Variants in AKAP13 observed in about 807,000 individuals in gnomAD.
AKAP13 encodes the protein A-kinase anchor protein 13.
In AKAP13, 80 loss-of-function variants were observed where a neutral mutation model predicts 264.5. That is an observed-to-expected ratio of 0.30 (90% confidence interval 0.25 to 0.36). AKAP13 has a LOEUF of 0.36. Among genes scored for constraint, AKAP13 ranks in the 10% least tolerant of loss-of-function variants. AKAP13 has a pLI of 1.00. For synonymous variants in AKAP13, 1,380 were observed against 1,250.2 expected (o/e 1.10, Z -2.19); for missense variants, 3,712 against 3,435.2 (o/e 1.08, Z -2.01).
rs150237862 is a variant in AKAP13, at chr15:85,744,635, C to G, written c.8400C>G (p.Pro2800=). 6.2e-7 allele frequency: 1 copy of G among 1,613,608 alleles called. No homozygotes were observed. Among genetic ancestry groups the G allele is most frequent in the African/African-American group, 1.3e-5 (1 of 74,868 alleles). ...TGGTTTTCACATTTCCAGATGGTCCCGCGTCAGAAGTATCAGCAGAGGGTG... is the reference window on the plus strand; with the variant it reads ...TGGTTTTCACATTTCCAGATGGTCCGGCGTCAGAAGTATCAGCAGAGGGTG... ...KTSRSQPGDG[P]ASEVSAEGEE... is the part of the protein sequence containing the mutation. The change falls in exon 37 of 37, where the codon CCC becomes CCG. Residue 2800 remains proline (P), a synonymous_variant. Transcript: ENST00000394518.
At chr15:85,437,001 A>G (rs1266995362) in intron 1 of AKAP13, among the ~76,000 whole-genome samples, 1 of 149,486 alleles carries the variant, frequency 6.7e-6, no homozygotes, top group Non-Finnish European at 1.5e-5. Flanking sequence ...GAGACACAAA[A>G]AACCCTTCAA....
Position 85,743,647 on chromosome 15 carries a change from C to A in AKAP13, c.8214C>A (p.His2738Gln). Residue 2738 changes from histidine (H) to glutamine (Q), a missense_variant, in exon 36 of 37, where the codon CAC (histidine) becomes CAA (glutamine). Physicochemically the swap from His to Gln is conservative, Grantham distance 24. This residue lies in a region of AKAP13 where 611 missense variants were observed against 539.3 expected (regional missense o/e 1.13). Transcript: ENST00000394518. ...AAAGGAACAGCATCTCTCGGACACA[C>A]AAAGATAAGGGGCCTTTTCACATAC... ...SPKRNSISRTHKDKGPFHILS... is the reference protein window; with the variant it reads ...SPKRNSISRTQKDKGPFHILS... The A allele has an allele frequency of 1.2e-6, 2 of 1,614,130 alleles. No homozygotes were observed. Among genetic ancestry groups the A allele is most frequent in the Non-Finnish European group, 1.7e-6 (2 of 1,180,040 alleles).
chr15:85,563,343 T>TTTTTTTTG (rs2078480304), intron 5 of AKAP13, among the ~76,000 whole-genome samples: 1 of 138,186 alleles, frequency 7.2e-6, no homozygotes, highest in African/African-American at 2.9e-5. Context: ...TTTTTTTTTT[T>TTTTTTTTG]TTTTTTTTTT....
At chr15:85,607,555 T>C (rs1035372394) in intron 8 of AKAP13, among the ~76,000 whole-genome samples, 1 of 152,186 alleles carries the variant, frequency 6.6e-6, no homozygotes, top group East Asian at 1.9e-4. Context: ...TAAGGCAGCC[T>C]AGCTCCAGAG....
intron 31 of AKAP13, 44 bp from the exon 32 acceptor site, chr15:85,735,516 G>A: frequency 1.9e-6 from 3 of 1,563,034 alleles, no homozygotes; most frequent in Non-Finnish European, 2.6e-6. Context: ...TGGCTAATCT[G>A]TTTCACAACT....
rs1419208567 is a variant in AKAP13, at chr15:85,684,887, T to A, written c.5289+14T>A. On this transcript the variant is annotated intron_variant, in intron 16 of 36. Coordinates refer to ENST00000394518, the MANE Select transcript of AKAP13 (RefSeq NM_007200.5). ...AAGAAGAGCAAAGTGAGTATCACTG[T>A]GGGCATTGCTTGTGATCACCTCAGT... 46 of 1,612,734 alleles carry A rather than the reference T, an allele frequency of 2.9e-5. No individual in the cohort carries two copies. The highest frequency in any genetic ancestry group is 3.8e-5 in the Non-Finnish European group (45 of 1,179,486).
chr15:85,627,227 CCAT>C (rs1222919418), intron 8 of AKAP13, among the ~76,000 whole-genome samples: 5 of 152,152 alleles, frequency 3.3e-5, no homozygotes, highest in Admixed American at 2.0e-4. Context: ...CCTTGTGTAA[CCAT>C]TTGCAGGACA....
intron 14 of AKAP13, among the ~76,000 whole-genome samples, chr15:85,680,001 G>C (rs1156537953): frequency 6.6e-6 from 1 of 152,162 alleles, no homozygotes; most frequent in African/African-American, 2.4e-5. Context: ...CAGTGGAAAA[G>C]TTGAAAATAT....
intron 17 of AKAP13, among the ~76,000 whole-genome samples, chr15:85,704,764 G>T (rs62022938): frequency 0.16 from 24,730 of 152,246 alleles, 2,367 homozygotes; most frequent in Non-Finnish European, 0.22. Flanking sequence ...ATGGTTTGTG[G>T]CAGAGAGCTT....
In AKAP13 at chr15:85,575,182, G is replaced by A. The variant is rs374214307; in HGVS notation, c.714G>A (p.Pro238=). The A allele has an allele frequency of 4.3e-5, 70 of 1,613,938 alleles. No homozygotes were observed. The highest frequency in any genetic ancestry group is 3.3e-4 in the East Asian group (15 of 44,890). ...DSWSSLSYEI[P]YGDCSVRHHR... is the part of the protein sequence containing the mutation. ...GGAGCAGTTTATCCTATGAAATACC[G>A]TATGGAGACTGTTCTGTGAGGCATC... Residue 238 remains proline (P), a synonymous_variant, in exon 6 of 37, where the codon CCG becomes CCA. Transcript: ENST00000394518.
chr15:85,656,604 G>A (rs1328384399), intron 11 of AKAP13, among the ~76,000 whole-genome samples: 5 of 152,024 alleles, frequency 3.3e-5, no homozygotes, highest in East Asian at 3.9e-4. Context: ...CCGCCACCAC[G>A]CCTGGCTAAT....
At chr15:85,725,659 C>G (rs756692429) in intron 26 of AKAP13, among the ~76,000 whole-genome samples, 16 of 152,148 alleles carry the variant, frequency 1.1e-4, no homozygotes, top group South Asian at 4.1e-4. Context: ...GTGGACTTCA[C>G]TTTCCACAGT....
At chr15:85,391,042 G>A (rs1442645109) in intron 1 of AKAP13, among the ~76,000 whole-genome samples, 1 of 152,176 alleles carries the variant, frequency 6.6e-6, no homozygotes, top group African/African-American at 2.4e-5. Context: ...GGAGGTTTTA[G>A]TGGGAATTAG....
intron 14 of AKAP13, among the ~76,000 whole-genome samples, chr15:85,677,759 CGGGTAGCCTCCT>C (rs749737898): frequency 4.1e-4 from 62 of 151,812 alleles, no homozygotes; most frequent in Admixed American, 9.2e-4. Context: ...CTCAGCCTCC[CGGGTAGCCTCCT>C]GGGTAGCTGG....
chr15:85,402,274 T>A (rs1433993908), intron 1 of AKAP13, among the ~76,000 whole-genome samples: 1 of 152,230 alleles, frequency 6.6e-6, no homozygotes, highest in Non-Finnish European at 1.5e-5. Flanking sequence ...TTTTTGTGTT[T>A]CCTGTAATGT....
chr15:85,553,378 G>A (rs919741455), intron 5 of AKAP13, among the ~76,000 whole-genome samples: 9 of 152,118 alleles, frequency 5.9e-5, no homozygotes, highest in East Asian at 3.9e-4. Context: ...ATGAGCCACC[G>A]TGCCTGGCCT....
intron 1 of AKAP13, among the ~76,000 whole-genome samples, chr15:85,408,053 A>G (rs778870341): frequency 8.6e-5 from 13 of 151,650 alleles, no homozygotes; most frequent in Non-Finnish European, 1.2e-4. Flanking sequence ...AATAACTGGG[A>G]ATTTCTAGCA....
chr15:85,701,239 A>G (rs979637588), intron 17 of AKAP13: 14 of 152,052 alleles, frequency 9.2e-5, no homozygotes, highest in Admixed American at 7.2e-4. Context: ...ACGTTATTTC[A>G]TGAAGTCCAG....
At position 85,575,286 on chromosome 15, in the gene AKAP13, C is replaced by G. The variant is rs139228938; in HGVS notation, c.818C>G (p.Thr273Ser). Residue 273 changes from threonine (T) to serine (S), a missense_variant, in exon 6 of 37, where the codon ACT (threonine) becomes AGT (serine). By Grantham distance (58) the Thr-to-Ser change is moderately conservative. This residue lies in a region of AKAP13 where 2,759 missense variants were observed against 2,411.7 expected (regional missense o/e 1.14). Coordinates refer to ENST00000394518, the MANE Select transcript of AKAP13 (RefSeq NM_007200.5). ...HEHPFPGDGC[T>S]GPIFKLMNIQ... Reference sequence around the variant, plus strand: ...CACCCATTTCCTGGAGACGGTTGCACTGGACCAATTTTTAAACTTATGAAC... The same window carrying G: ...CACCCATTTCCTGGAGACGGTTGCAGTGGACCAATTTTTAAACTTATGAAC... 119 of 1,614,048 alleles carry G rather than the reference C, an allele frequency of 7.4e-5. No individual in the cohort carries two copies. Among genetic ancestry groups the G allele is most frequent in the Non-Finnish European group, 9.1e-5 (107 of 1,180,042 alleles).
Sources: gnomAD v4.1 joint callset for allele counts (sites outside exome capture counted in the v4.1 genomes callset) on GRCh38, gnomAD v4.1.1 for gene constraint, gnomAD v4.1.1 regional missense constraint, MANE v1.5 for transcripts, NCBI Gene and HGNC (gene_info 2026-07-23, HGNC 2026-07-21) for gene names.